BLTP3B: variants seen among roughly 807,000 people sequenced by gnomAD.
The protein encoded by BLTP3B is UHRF1 (ICBP90) binding protein 1-like.
chr12:100,129,536 G>A, the BLTP3B span, among the ~76,000 whole-genome samples: 14 of 152,272 alleles, frequency 9.2e-5, no homozygotes, highest in South Asian at 1.0e-3. Context: ...TTGCCAGGGC[G>A]ATTCTGCCCT....
chr12:100,059,167 C>A, the BLTP3B span: 1 of 1,614,018 alleles, frequency 6.2e-7, no homozygotes, highest in African/African-American at 1.3e-5. Context: ...CCTTCATAAT[C>A]TATCCAAAAT....
the BLTP3B span, among the ~76,000 whole-genome samples, chr12:100,046,299 C>G: frequency 6.6e-6 from 1 of 152,062 alleles, no homozygotes; most frequent in African/African-American, 2.4e-5. Flanking sequence ...CAGCACTATT[C>G]ACAATAGCAA....
chr12:100,142,514 G>C, the BLTP3B span: 1 of 1,505,158 alleles, frequency 6.6e-7, no homozygotes, highest in Non-Finnish European at 9.0e-7. Flanking sequence ...AGGCGCCGCC[G>C]CCCCCGAAGC....
At chr12:100,050,317 A>T in the BLTP3B span, 2 of 1,598,246 alleles carry the variant, frequency 1.3e-6, no homozygotes. Context: ...CACAACGGAC[A>T]TCTATTAATG....
At chr12:100,098,624 G>A in the BLTP3B span, 17 of 1,416,612 alleles carry the variant, frequency 1.2e-5, no homozygotes, top group East Asian at 3.8e-4. Context: ...ATTTCTGGTT[G>A]GGGATGGTGG....
chr12:100,115,554 T>C, the BLTP3B span, among the ~76,000 whole-genome samples: 1 of 152,130 alleles, frequency 6.6e-6, no homozygotes, highest in Non-Finnish European at 1.5e-5. Flanking sequence ...TGGATCACTT[T>C]AGCTCAGGAG....
the BLTP3B span, chr12:100,095,806 A>G: frequency 6.2e-7 from 1 of 1,610,808 alleles, no homozygotes; most frequent in South Asian, 1.1e-5. Context: ...TATTAGAACT[A>G]ACTTTGTTGC....
At chr12:100,061,423 C>A in the BLTP3B span, among the ~76,000 whole-genome samples, 1 of 151,976 alleles carries the variant, frequency 6.6e-6, no homozygotes, top group African/African-American at 2.4e-5. Flanking sequence ...TTTGGGAGGC[C>A]GAGGCGGGTG....
chr12:100,070,836 TA>T, the BLTP3B span, among the ~76,000 whole-genome samples: 87 of 148,386 alleles, frequency 5.9e-4, no homozygotes, highest in Non-Finnish European at 9.0e-4. Flanking sequence ...TCACCTCTAC[TA>T]AAAAAAAAAT....
At chr12:100,058,380 T>A in the BLTP3B span, 1 of 1,612,754 alleles carries the variant, frequency 6.2e-7, no homozygotes, top group Admixed American at 1.7e-5. Context: ...ATCTGATAAA[T>A]AGTCCATAAA....
the BLTP3B span, among the ~76,000 whole-genome samples, chr12:100,104,460 T>C: frequency 3.3e-5 from 5 of 152,022 alleles, no homozygotes; most frequent in African/African-American, 9.6e-5. Flanking sequence ...CAACTCGGCC[T>C]CTCAAGGTGC....
the BLTP3B span, among the ~76,000 whole-genome samples, chr12:100,119,931 A>G: frequency 6.6e-6 from 1 of 152,232 alleles, no homozygotes; most frequent in South Asian, 2.1e-4. Context: ...AAGTTAGTGG[A>G]TCAAAATTAA....
the BLTP3B span, among the ~76,000 whole-genome samples, chr12:100,107,211 C>G: frequency 1.4e-5 from 2 of 145,550 alleles, no homozygotes; most frequent in African/African-American, 5.1e-5. Context: ...TTGCATGAAC[C>G]TGGGAGGTAG....
At chr12:100,124,937 TATATATATA>T in the BLTP3B span, among the ~76,000 whole-genome samples, 1 of 3,666 alleles carries the variant, frequency 2.7e-4, no homozygotes, top group African/African-American at 6.5e-4. Context: ...AAAAAAATTT[TATATATATA>T]TATATATATA....
At chr12:100,059,798 TAA>T in the BLTP3B span, 1 of 1,531,698 alleles carries the variant, frequency 6.5e-7, no homozygotes, top group East Asian at 2.3e-5. Context: ...GCACAAATCA[TAA>T]AATAAAAAGA....
the BLTP3B span, among the ~76,000 whole-genome samples, chr12:100,065,637 C>T: frequency 3.3e-5 from 5 of 152,078 alleles, no homozygotes; most frequent in African/African-American, 1.2e-4. Flanking sequence ...AAGACCACTC[C>T]CCAGTAAATT....
At chr12:100,075,923 A>G in the BLTP3B span, among the ~76,000 whole-genome samples, 32 of 152,238 alleles carry the variant, frequency 2.1e-4, no homozygotes, top group African/African-American at 7.7e-4. Flanking sequence ...TGGAGACAAA[A>G]AAGGGAACAA....
chr12:100,052,724 A>T, the BLTP3B span, among the ~76,000 whole-genome samples: 9 of 152,064 alleles, frequency 5.9e-5, no homozygotes, highest in South Asian at 1.9e-3. Context: ...AAGCAATTAC[A>T]AGTTATCAGC....
chr12:100,061,633 G>C, the BLTP3B span, among the ~76,000 whole-genome samples: 1 of 137,948 alleles, frequency 7.2e-6, no homozygotes, highest in Non-Finnish European at 1.5e-5. Flanking sequence ...CTCCAGCCTG[G>C]ATGACAGAGC....
Sources: gnomAD v4.1 joint callset for allele counts (sites outside exome capture counted in the v4.1 genomes callset) on GRCh38, gnomAD v4.1.1 for gene constraint, MANE v1.5 for transcripts, NCBI Gene and HGNC (gene_info 2026-07-23, HGNC 2026-07-21) for gene names.